Variants in ZNF713 observed in about 807,000 individuals in gnomAD.
The protein encoded by ZNF713 is zinc finger protein 713.
Under a neutral mutation model 28.7 loss-of-function variants are expected in ZNF713, and 21 were observed. That is an observed-to-expected ratio of 0.73 (90% CI 0.52 to 1.05). The LOEUF (loss-of-function observed/expected upper bound fraction) is 1.05, where lower values mean the gene tolerates loss of function less well. Among genes scored for constraint, ZNF713 ranks in the 50% least tolerant of loss-of-function variants. The pLI, the probability that ZNF713 is intolerant of heterozygous loss-of-function variation, is 0.00. For missense variants in ZNF713, 458 were observed against 532.4 expected (o/e 0.86, Z 1.37); for synonymous variants, 167 against 178.0 (o/e 0.94, Z 0.49).
intron 4 of ZNF713, among the ~76,000 whole-genome samples, chr7:55,918,485 C>T (rs983129121): frequency 6.6e-6 from 1 of 152,056 alleles, no homozygotes; most frequent in East Asian, 1.9e-4. Context: ...TGGAGTGTTG[C>T]AAAAACAGAA....
chr7:55,927,383 T>C (rs903326004), intron 6 of ZNF713, among the ~76,000 whole-genome samples: 2 of 150,406 alleles, frequency 1.3e-5, no homozygotes, highest in African/African-American at 4.9e-5. Flanking sequence ...AAAAGCCGGA[T>C]GTGGAGGTAT....
chr7:55,927,474 G>A (rs57853780), intron 6 of ZNF713, among the ~76,000 whole-genome samples: 1 of 152,026 alleles, frequency 6.6e-6, no homozygotes, highest in Admixed American at 6.6e-5. Context: ...AGTGAGTTAC[G>A]ATGGCACCAC....
chr7:55,924,916 G>T (rs548810135), intron 6 of ZNF713: 2 of 151,880 alleles, frequency 1.3e-5, no homozygotes, highest in South Asian at 4.2e-4. Flanking sequence ...GTTTATTAGT[G>T]TCATGCTGTC....
At chr7:55,889,686 T>C (rs555329356) in intron 1 of ZNF713, among the ~76,000 whole-genome samples, 1 of 136,446 alleles carries the variant, frequency 7.3e-6, no homozygotes, top group South Asian at 2.5e-4. Flanking sequence ...ACCCATGCAC[T>C]TTTTTTTTAC....
At chr7:55,934,345 C>T (rs967567550) in intron 6 of ZNF713, among the ~76,000 whole-genome samples, 1 of 151,986 alleles carries the variant, frequency 6.6e-6, no homozygotes, top group Admixed American at 6.6e-5. Context: ...AATAAAACAG[C>T]CCATAAATAT....
chr7:55,936,647 T>G (rs1417285543), intron 6 of ZNF713, among the ~76,000 whole-genome samples: 1 of 152,126 alleles, frequency 6.6e-6, no homozygotes, highest in Non-Finnish European at 1.5e-5. Flanking sequence ...AAGAGATGAC[T>G]TAAATGGCCT....
At chr7:55,938,235 G>A (rs1195378374) in intron 6 of ZNF713, among the ~76,000 whole-genome samples, 2 of 152,036 alleles carry the variant, frequency 1.3e-5, no homozygotes, top group African/African-American at 2.4e-5. Flanking sequence ...AAAGAGGAAA[G>A]CCATGGGACC....
At chr7:55,919,506 T>TTTTTTTTTTTTTTTTTTTTTTTG (rs1785949156) in intron 4 of ZNF713, among the ~76,000 whole-genome samples, 1 of 63,106 alleles carries the variant, frequency 1.6e-5, no homozygotes, top group African/African-American at 7.5e-5. Context: ...TTTTTTTTTT[T>TTTTTTTTTTTTTTTTTTTTTTTG]TTTTTTTTTT....
intron 1 of ZNF713, among the ~76,000 whole-genome samples, chr7:55,891,512 G>A (rs914897445): frequency 2.8e-5 from 2 of 70,258 alleles, no homozygotes; most frequent in African/African-American, 1.9e-4. Context: ...AGACCTGGTC[G>A]CTAATAACAA....
intron 2 of ZNF713, among the ~76,000 whole-genome samples, chr7:55,908,135 G>GTTTTTTTTTT (rs71015120): frequency 1.8e-5 from 1 of 54,656 alleles, no homozygotes. Context: ...ATCCGTTGTT[G>GTTTTTTTTTT]TTTTTTTTTT....
intron 1 of ZNF713, among the ~76,000 whole-genome samples, chr7:55,889,537 C>T (rs1469919735): frequency 7.2e-5 from 11 of 152,216 alleles, no homozygotes; most frequent in Non-Finnish European, 1.2e-4. Context: ...GATAGTTATT[C>T]GGTGATGAAT....
chr7:55,937,801 G>A (rs1786382393), intron 6 of ZNF713, among the ~76,000 whole-genome samples: 1 of 152,110 alleles, frequency 6.6e-6, no homozygotes, highest in Non-Finnish European at 1.5e-5. Flanking sequence ...TAGCTACTTG[G>A]GAAGCTGAGG....
At chr7:55,938,357 T>G (rs1037522746) in intron 6 of ZNF713, among the ~76,000 whole-genome samples, 1 of 152,144 alleles carries the variant, frequency 6.6e-6, no homozygotes, top group Non-Finnish European at 1.5e-5. Flanking sequence ...AAGTCATGCT[T>G]GTCCAAAATA....
intron 1 of ZNF713, among the ~76,000 whole-genome samples, chr7:55,897,316 T>TTA (rs932199051): frequency 4.0e-5 from 6 of 151,740 alleles, no homozygotes; most frequent in African/African-American, 1.5e-4. Flanking sequence ...AGTGGCGTGA[T>TTA]CATGGCTCGC....
intron 1 of ZNF713, among the ~76,000 whole-genome samples, chr7:55,891,579 G>A (rs1179529400): frequency 6.6e-6 from 1 of 152,084 alleles, no homozygotes; most frequent in Admixed American, 6.6e-5. Context: ...TGTGGTCCCA[G>A]CTACTGGGAA....
chr7:55,888,993 A>G (rs934447444), intron 1 of ZNF713, among the ~76,000 whole-genome samples: 2 of 152,122 alleles, frequency 1.3e-5, no homozygotes, highest in Non-Finnish European at 2.9e-5. Context: ...TGAAGGTTGC[A>G]GTGAGCCAGT....
intron 5 of ZNF713, 136 bp downstream of exon 5, chr7:55,923,424 CCTT>C: frequency 8.0e-7 from 1 of 1,252,752 alleles, no homozygotes; most frequent in Non-Finnish European, 1.1e-6. Context: ...GAGTCAAAGA[CCTT>C]TGTTTTCTGC....
At chr7:55,912,389 C>A (rs1424062901) in intron 3 of ZNF713, among the ~76,000 whole-genome samples, 2 of 152,172 alleles carry the variant, frequency 1.3e-5, no homozygotes, top group East Asian at 1.9e-4. Context: ...AGTATTTAGC[C>A]AGGGCTGAAA....
At chr7:55,896,591 G>T (rs2116173407) in intron 1 of ZNF713, among the ~76,000 whole-genome samples, 1 of 128,596 alleles carries the variant, frequency 7.8e-6, no homozygotes, top group African/African-American at 2.8e-5. Context: ...ATATATGTGT[G>T]TGTGTGTGTG....
Sources: gnomAD v4.1 joint callset for allele counts (sites outside exome capture counted in the v4.1 genomes callset) on GRCh38, gnomAD v4.1.1 for gene constraint, MANE v1.5 for transcripts, NCBI Gene and HGNC (gene_info 2026-07-23, HGNC 2026-07-21) for gene names.